BCAS3: variants seen among roughly 807,000 people sequenced by gnomAD.
The protein encoded by BCAS3 is BCAS4/BCAS3 fusion.
In BCAS3, 53 loss-of-function variants were observed where a neutral mutation model predicts 116.1. The observed-to-expected ratio is 0.46, with a 90% CI of 0.37 to 0.57. BCAS3 has a LOEUF of 0.57. Ranked by LOEUF, BCAS3 falls within the 20% of genes least tolerant of loss-of-function variation. The pLI is 0.00. For missense variants in BCAS3, 917 were observed against 1,165.4 expected (o/e 0.79, Z 3.10); for synonymous variants, 391 against 408.2 (o/e 0.96, Z 0.51).
chr17:60,889,113 T>C (rs1344681485), intron 9 of BCAS3, among the ~76,000 whole-genome samples: 1 of 152,226 alleles, frequency 6.6e-6, no homozygotes. Flanking sequence ...TGTTATTGGC[T>C]AGAACTGCAA....
chr17:61,000,640 T>C (rs1242620424), intron 15 of BCAS3, among the ~76,000 whole-genome samples: 1 of 152,172 alleles, frequency 6.6e-6, no homozygotes, highest in Non-Finnish European at 1.5e-5. Flanking sequence ...GATTCATTTT[T>C]CGTATTTTGG....
At chr17:60,687,278 GAA>G (rs1448808009) in intron 3 of BCAS3, among the ~76,000 whole-genome samples, 3 of 152,146 alleles carry the variant, frequency 2.0e-5, no homozygotes, top group African/African-American at 7.2e-5. Context: ...GGGGGAAAAG[GAA>G]AAGTGTGGCA....
intron 22 of BCAS3, among the ~76,000 whole-genome samples, chr17:61,099,181 A>G (rs1344317034): frequency 6.6e-6 from 1 of 152,146 alleles, no homozygotes; most frequent in African/African-American, 2.4e-5. Flanking sequence ...TATATGTAGC[A>G]TGCTTAGAAC....
intron 19 of BCAS3, among the ~76,000 whole-genome samples, chr17:61,048,293 A>G (rs2068530490): frequency 6.6e-6 from 1 of 152,020 alleles, no homozygotes; most frequent in African/African-American, 2.4e-5. Context: ...CAGAAACAGA[A>G]ATCATATATG....
At position 61,065,455 on chromosome 17, in the gene BCAS3, A is replaced by G. The variant is rs915369304; in HGVS notation, c.2030-9465A>G. The stretch of plus-strand genomic sequence containing the variant: ...TTTAATAAGCACCAAAAATATATTG[A>G]GGTTTGTCCTTGGGAGAGAGTTTAT... On this transcript the variant is annotated intron_variant, in intron 19 of 23. Coordinates refer to ENST00000407086, the MANE Select transcript of BCAS3 (RefSeq NM_017679.5). The surrounding 1 kb of genome is among the most constrained non-coding windows in gnomAD (Gnocchi z 4.8). Among the ~76,000 whole-genome samples the G allele has an allele frequency of 6.6e-6, 1 of 152,160 alleles. No homozygotes were observed.
rs991407572 is a variant in BCAS3 at position 61,026,594 on chromosome 17, A to T, written c.1638-8072A>T. Among the ~76,000 whole-genome samples the T allele has an allele frequency of 5.9e-5, 9 of 151,958 alleles. No individual in the cohort carries two copies. Among genetic ancestry groups the T allele is most frequent in the African/African-American group, 2.2e-4 (9 of 41,418 alleles). ...GGGCTTCAGCAGTGAATTTTATTTT[A>T]TTTTAACTTAGAAATACTACAGGGG... On this transcript the variant is annotated intron_variant, in intron 16 of 23. Transcript: ENST00000407086. This position sits in a 1 kb window ranked among gnomAD's most constrained non-coding sequence, Gnocchi z 5.0.
At chr17:61,266,282 T>C (rs974274126) in intron 22 of BCAS3, among the ~76,000 whole-genome samples, 10 of 152,066 alleles carry the variant, frequency 6.6e-5, no homozygotes, top group Admixed American at 4.6e-4. Context: ...GACTGTGCAA[T>C]AGGTAAAGGA....
rs1598878469 is a variant in BCAS3 at position 60,811,553 on chromosome 17, GT to G, written c.476+3479del. On this transcript the variant is annotated intron_variant, in intron 7 of 23. Transcript: ENST00000407086. ...AAAAAGAAAAAAGAAATCTTATGTG[GT>G]TGTCTCCAGATGTTAAATTTTACAA... 2.3e-5 allele frequency: 8 copies of G among 355,258 alleles called. No homozygotes were observed. In the East Asian group the frequency reaches 5.4e-4, roughly 24 times the overall value. 22.0% of individuals were successfully genotyped at this position (355,258 alleles called of 1,614,324 possible). A position where few individuals can be genotyped will look rare whatever the true frequency, so the allele number is the denominator to read the frequency against.
chr17:60,775,839 C>A (rs2045232794), intron 6 of BCAS3, among the ~76,000 whole-genome samples: 1 of 152,074 alleles, frequency 6.6e-6, no homozygotes, highest in Admixed American at 6.6e-5. Context: ...TGTTTTACTT[C>A]TTATGGATGA....
At chr17:60,914,193 A>G (rs768523213) in intron 12 of BCAS3, among the ~76,000 whole-genome samples, 3 of 152,172 alleles carry the variant, frequency 2.0e-5, no homozygotes, top group Non-Finnish European at 4.4e-5. Context: ...TCCTACTGTG[A>G]TAAGTGGTGA....
rs192894092 is a variant in BCAS3, at chr17:61,348,501, G to C, written c.2426-19826G>C. ...CACCCAAGAATAGTTTACAGAGAAA[G>C]AAGAGAAGAGGACTGAGGGCACCAA... On this transcript the variant is annotated intron_variant, in intron 22 of 23. Transcript: ENST00000407086. The surrounding 1 kb of genome is among the most constrained non-coding windows in gnomAD (Gnocchi z 4.5). Among the ~76,000 whole-genome samples the C allele has an allele frequency of 2.3e-4, 35 of 152,242 alleles. No homozygotes were observed. The highest frequency in any genetic ancestry group is 8.4e-4 in the African/African-American group (35 of 41,554).
At chr17:60,941,807 A>G (rs2060238824) in intron 13 of BCAS3, among the ~76,000 whole-genome samples, 1 of 152,220 alleles carries the variant, frequency 6.6e-6, no homozygotes. Flanking sequence ...CATATGTAAA[A>G]CAATAATAGT....
At chr17:60,707,437 G>A (rs774986520) in intron 4 of BCAS3, among the ~76,000 whole-genome samples, 1 of 152,188 alleles carries the variant, frequency 6.6e-6, no homozygotes. Flanking sequence ...TGCATTGGGG[G>A]ATGGGGGGTA....
intron 8 of BCAS3, among the ~76,000 whole-genome samples, chr17:60,869,866 G>GTTTTTAAACTAAAAAA (rs2054941907): frequency 1.3e-5 from 2 of 152,122 alleles, no homozygotes; most frequent in Non-Finnish European, 2.9e-5. Context: ...AAAAAGTACA[G>GTTTTTAAACTAAAAAA]AGAAGATTTT....
At position 60,995,434 on chromosome 17, in the gene BCAS3, T is replaced by G. The variant is rs1415056092; in HGVS notation, c.1486+5199T>G. Among the ~76,000 whole-genome samples the G allele has an allele frequency of 6.6e-6, 1 of 151,920 alleles. No individual in the cohort carries two copies. Among genetic ancestry groups the G allele is most frequent in the Non-Finnish European group, 1.5e-5 (1 of 67,990 alleles). On this transcript the variant is annotated intron_variant, in intron 15 of 23. Coordinates refer to ENST00000407086, the MANE Select transcript of BCAS3 (RefSeq NM_017679.5). The surrounding 1 kb of genome is among the most constrained non-coding windows in gnomAD (Gnocchi z 4.7). Reference sequence around the variant, plus strand: ...ACCGTGGCCTCCCAAAGTGCTGGGATTACAGACATGAGCCACCGCGCCCAG... The same window carrying G: ...ACCGTGGCCTCCCAAAGTGCTGGGAGTACAGACATGAGCCACCGCGCCCAG...
At chr17:60,877,288 T>C (rs2055704008) in intron 9 of BCAS3, among the ~76,000 whole-genome samples, 1 of 152,090 alleles carries the variant, frequency 6.6e-6, no homozygotes, top group South Asian at 2.1e-4. Context: ...AGGATGAGTT[T>C]GTTAGAAAAT....
At position 60,956,551 on chromosome 17, in the gene BCAS3, A is replaced by T. The variant is rs1316231383; in HGVS notation, c.1221+9199A>T. 6.6e-6 allele frequency among the ~76,000 whole-genome samples: 1 copy of T among 152,136 alleles called. No homozygotes were observed. The highest frequency in any genetic ancestry group is 2.4e-5 in the African/African-American group (1 of 41,438). On this transcript the variant is annotated intron_variant, in intron 14 of 23. Coordinates refer to ENST00000407086, the MANE Select transcript of BCAS3 (RefSeq NM_017679.5). The surrounding 1 kb of genome is among the most constrained non-coding windows in gnomAD (Gnocchi z 4.2). Reference sequence around the variant, plus strand: ...TTTGTATTAAAGTTATTTGCCATTTAATTTATCTATAAGTTCAATATGGAA... The same window carrying T: ...TTTGTATTAAAGTTATTTGCCATTTTATTTATCTATAAGTTCAATATGGAA...
intron 12 of BCAS3, among the ~76,000 whole-genome samples, chr17:60,916,127 G>A (rs1028457398): frequency 1.1e-4 from 17 of 152,128 alleles, no homozygotes; most frequent in Admixed American, 3.3e-4. Flanking sequence ...TTGTGTAAAG[G>A]TTTTTAATGT....
Position 61,355,368 on chromosome 17 carries a change from G to T in BCAS3, c.2426-12959G>T, listed in dbSNP as rs979478524. 6.6e-6 allele frequency among the ~76,000 whole-genome samples: 1 copy of T among 152,092 alleles called. No individual in the cohort carries two copies. The highest frequency in any genetic ancestry group is 2.4e-5 in the African/African-American group (1 of 41,396). ...TGGAGCACAGAAATCACAGGATTTA[G>T]CTGGGTTGCTCCCTCCACCCCCTAC... On this transcript the variant is annotated intron_variant, in intron 22 of 23. Transcript: ENST00000407086. This position sits in a 1 kb window ranked among gnomAD's most constrained non-coding sequence, Gnocchi z 4.2.
Sources: gnomAD v4.1 joint callset for allele counts (sites outside exome capture counted in the v4.1 genomes callset) on GRCh38, gnomAD v4.1.1 for gene constraint, Gnocchi (gnomAD v3.1) non-coding constraint, MANE v1.5 for transcripts, NCBI Gene and HGNC (gene_info 2026-07-23, HGNC 2026-07-21) for gene names.